MEI1: variants seen among roughly 807,000 people sequenced by gnomAD.
MEI1 encodes the protein meiosis inhibitor protein 1.
A neutral mutation model predicts 146.2 loss-of-function variants in MEI1; 103 were observed. The observed-to-expected ratio is 0.70, with a 90% CI of 0.60 to 0.83. The LOEUF (loss-of-function observed/expected upper bound fraction) is 0.83, where lower values mean the gene tolerates loss of function less well. Ranked by LOEUF, MEI1 falls within the 40% of genes least tolerant of loss-of-function variation. The probability of loss-of-function intolerance (pLI) is 0.00; values close to 1 mark genes in which losing one functional copy is unlikely to be tolerated. For missense variants in MEI1, 1,529 were observed against 1,533.0 expected, an observed-to-expected ratio of 1.00 and a Z score of 0.04; for synonymous variants, 652 against 628.2, an observed-to-expected ratio of 1.04 and a Z score of -0.57.
At chr22:41,734,968 TTTC>T (rs1401446176) in intron 11 of MEI1, among the ~76,000 whole-genome samples, 2 of 150,278 alleles carry the variant, frequency 1.3e-5, no homozygotes, top group South Asian at 2.1e-4. Flanking sequence ...ATTGTATTTT[TTTC>T]TTTTTTTTGA....
chr22:41,762,872 C>G (rs1234377372), intron 18 of MEI1, among the ~76,000 whole-genome samples: 5 of 152,112 alleles, frequency 3.3e-5, no homozygotes, highest in African/African-American at 1.2e-4. Context: ...CTTCTGAACC[C>G]CAGCAGTAGC....
At chr22:41,720,803 G>A (rs948599057) in intron 6 of MEI1, among the ~76,000 whole-genome samples, 6 of 149,196 alleles carry the variant, frequency 4.0e-5, no homozygotes, top group East Asian at 3.9e-4. Context: ...ACAGAGTCTC[G>A]CTCTGCTGGC....
chr22:41,715,906 C>A, intron 4 of MEI1, 135 bp from the exon 5 acceptor site: 1 of 640,470 alleles, frequency 1.6e-6, no homozygotes. Context: ...GGACACTAAG[C>A]TAAAAAAGCT....
chr22:41,772,965 T>G (rs937614867), intron 20 of MEI1, among the ~76,000 whole-genome samples: 4 of 152,226 alleles, frequency 2.6e-5, no homozygotes, highest in African/African-American at 9.6e-5. Flanking sequence ...TGGGTCTTCC[T>G]AGAATGGAGA....
chr22:41,709,557 G>C lies in MEI1; in HGVS notation c.349+4003G>C, dbSNP rs1356399237. ...ATGCAGCGGCACACGGGCTTTGGTCGGTCCAGGGGTTGTTCTCGCCTCTTC... is the reference window on the plus strand; with the variant it reads ...ATGCAGCGGCACACGGGCTTTGGTCCGTCCAGGGGTTGTTCTCGCCTCTTC... On this transcript the variant is annotated intron_variant, in intron 3 of 30. Transcript: ENST00000401548. 1.9e-5 allele frequency: 10 copies of C among 519,346 alleles called. No individual in the cohort carries two copies. In the East Asian group the frequency reaches 4.9e-4, roughly 26 times the overall value. The allele number at this position is 519,346 out of a possible 1,614,324, so 32.2% of individuals were successfully genotyped here. A position where few individuals can be genotyped will look rare whatever the true frequency, so the allele number is the denominator to read the frequency against.
rs1428381633 is a variant in MEI1, at chr22:41,749,006, G to A, written c.1792+788G>A. Among the ~76,000 whole-genome samples, 6 of 151,888 alleles carry A rather than the reference G, an allele frequency of 4.0e-5. No individual in the cohort carries two copies. In the South Asian group the frequency reaches 1.0e-3, roughly 26 times the overall value. ...TTTTTAGTAGAGACGGGGTTTCACCGTGTTAGCCAGGATGGTCTCGATCTC... is the reference window on the plus strand; with the variant it reads ...TTTTTAGTAGAGACGGGGTTTCACCATGTTAGCCAGGATGGTCTCGATCTC... On this transcript the variant is annotated intron_variant, in intron 15 of 30. Coordinates refer to ENST00000401548, the MANE Select transcript of MEI1 (RefSeq NM_152513.4).
At position 41,699,657 on chromosome 22, in the gene MEI1, C is replaced by T. The variant is rs2068538285; in HGVS notation, c.119C>T (p.Thr40Ile). Residue 40 changes from threonine to isoleucine, a missense_variant, in exon 1 of 31, where the codon ACC (threonine) becomes ATC (isoleucine). Around this residue, in one of 3 missense-constraint regions of MEI1, gnomAD observed 1,212 missense variants for 1,178.9 expected, o/e 1.03. Transcript: ENST00000401548. ...GACCCGCGCTGGCTGCTGCCCGTGACCCCCCGCCTGTGCCTGGCCTGCGCG... is the reference window on the plus strand; with the variant it reads ...GACCCGCGCTGGCTGCTGCCCGTGATCCCCCGCCTGTGCCTGGCCTGCGCG... ...RHDPRWLLPV[T>I]PRLCLACALE... 1.9e-6 allele frequency: 3 copies of T among 1,589,970 alleles called. No individual in the cohort carries two copies. The highest frequency in any genetic ancestry group is 8.6e-7 in the Non-Finnish European group (1 of 1,168,338).
intron 11 of MEI1, among the ~76,000 whole-genome samples, chr22:41,736,645 T>G (rs1001103627): frequency 2.6e-5 from 4 of 152,110 alleles, no homozygotes; most frequent in African/African-American, 4.8e-5. Context: ...TCCTCCCACT[T>G]TGACCTCTCA....
At chr22:41,761,018 C>G (rs1326545716) in intron 18 of MEI1, among the ~76,000 whole-genome samples, 1 of 152,052 alleles carries the variant, frequency 6.6e-6, no homozygotes, top group African/African-American at 2.4e-5. Flanking sequence ...ATGAGAGGGT[C>G]TGTCTCTTCC....
chr22:41,758,287 T>A, intron 17 of MEI1, 78 bp from the exon 18 acceptor site: 2 of 1,379,330 alleles, frequency 1.4e-6, no homozygotes, highest in Non-Finnish European at 2.0e-6. Context: ...GTACTCTGCA[T>A]GTAGTAGGTA....
intron 3 of MEI1, among the ~76,000 whole-genome samples, chr22:41,707,400 A>G (rs1225899089): frequency 6.6e-6 from 1 of 152,180 alleles, no homozygotes; most frequent in Admixed American, 6.5e-5. Context: ...GGCACTGACT[A>G]GATAATACCG....
chr22:41,790,044 C>G (rs2076121518), intron 26 of MEI1, among the ~76,000 whole-genome samples: 1 of 152,182 alleles, frequency 6.6e-6, no homozygotes, highest in Non-Finnish European at 1.5e-5. Context: ...CTCCTTCATT[C>G]CCTTCAACCA....
chr22:41,758,274 G>A lies in MEI1; in HGVS notation c.1952-91G>A, dbSNP rs1431750568. 4.0e-6 allele frequency: 5 copies of A among 1,254,558 alleles called. No individual in the cohort carries two copies. In the East Asian group the frequency reaches 9.4e-5, roughly 24 times the overall value. The allele number at this position is 1,254,558 out of a possible 1,614,324, so 77.7% of individuals were successfully genotyped here. On this transcript the variant is annotated intron_variant, in intron 17 of 30. Coordinates refer to ENST00000401548, the MANE Select transcript of MEI1 (RefSeq NM_152513.4). ...ACTGCATTTACCCTTGCTGCCCTGT[G>A]CAGTACTCTGCATGTAGTAGGTACT... is the stretch of plus-strand genomic sequence containing the variant.
At chr22:41,748,793 C>T (rs1411304458) in intron 15 of MEI1, among the ~76,000 whole-genome samples, 1 of 151,646 alleles carries the variant, frequency 6.6e-6, no homozygotes, top group Non-Finnish European at 1.5e-5. Context: ...GGGAATCTGA[C>T]TGTAGAACAT....
In MEI1 at chr22:41,741,456, T is replaced by C. The variant is rs17002646; in HGVS notation, c.1332-1624T>C. Among the ~76,000 whole-genome samples, 39 of 152,352 alleles carry C rather than the reference T, an allele frequency of 2.6e-4. No individual in the cohort carries two copies. The East Asian group carries it at 7.3e-3, about 29-fold the overall frequency. Reference sequence around the variant, plus strand: ...AAGATGGAACTGGTCCCTTTCCTCTTGGAAACTCACAATTAAACTAGTCAA... The same window carrying C: ...AAGATGGAACTGGTCCCTTTCCTCTCGGAAACTCACAATTAAACTAGTCAA... On this transcript the variant is annotated intron_variant, in intron 11 of 30. Transcript: ENST00000401548.
At chr22:41,799,051 GC>G (rs1460586172) in intron 30 of MEI1, among the ~76,000 whole-genome samples, 1 of 152,082 alleles carries the variant, frequency 6.6e-6, no homozygotes, top group East Asian at 1.9e-4. Context: ...TCTCTTCCTT[GC>G]CCCTTCCGTG....
chr22:41,721,426 A>G (rs2070787674), intron 6 of MEI1, among the ~76,000 whole-genome samples: 1 of 149,570 alleles, frequency 6.7e-6, no homozygotes, highest in African/African-American at 2.5e-5. Flanking sequence ...TTGTATTTTT[A>G]GTAGAGACGG....
chr22:41,793,422 C>G (rs1280383979), intron 26 of MEI1, among the ~76,000 whole-genome samples: 1 of 152,154 alleles, frequency 6.6e-6, no homozygotes, highest in Non-Finnish European at 1.5e-5. Context: ...CTGCCTCAAC[C>G]TCCTCAGTAG....
Position 41,706,857 on chromosome 22 carries a change from G to A in MEI1, c.349+1303G>A, listed in dbSNP as rs73161357. 5.3e-3 allele frequency among the ~76,000 whole-genome samples: 814 copies of A among 152,178 alleles called. 6 individuals are homozygous for A. The highest frequency in any genetic ancestry group is 0.019 in the South Asian group (91 of 4,826). On this transcript the variant is annotated intron_variant, in intron 3 of 30. Transcript: ENST00000401548. Reference sequence around the variant, plus strand: ...CTAGTTAGGATCCAGTCAGGAAATAGAAACCACACCAATTATTTGAATAGA... The same window carrying A: ...CTAGTTAGGATCCAGTCAGGAAATAAAAACCACACCAATTATTTGAATAGA...
Sources: gnomAD v4.1 joint callset for allele counts (sites outside exome capture counted in the v4.1 genomes callset) on GRCh38, gnomAD v4.1.1 for gene constraint, gnomAD v4.1.1 regional missense constraint, MANE v1.5 for transcripts, NCBI Gene and HGNC (gene_info 2026-07-23, HGNC 2026-07-21) for gene names.